The following ZDHHC14 variants were observed in gnomAD, a reference collection of about 807,000 sequenced individuals.
The protein encoded by ZDHHC14 is zDHHC palmitoyltransferase 14, also known as palmitoyltransferase ZDHHC14.
In ZDHHC14, 16 loss-of-function variants were observed where a neutral mutation model predicts 47.7. That is an observed-to-expected ratio of 0.34 (90% CI 0.23 to 0.51). ZDHHC14 has a LOEUF of 0.51. ZDHHC14 is among the 20% of genes least tolerant of loss of function. The probability of loss-of-function intolerance (pLI) is 0.97; values close to 1 mark genes in which losing one functional copy is unlikely to be tolerated. For synonymous variants in ZDHHC14, 293 were observed against 278.9 expected, an observed-to-expected ratio of 1.05 and a Z score of -0.50; for missense variants, 515 against 662.5, an observed-to-expected ratio of 0.78 and a Z score of 2.44.
chr6:157,624,150 C>T (rs1785307876), intron 3 of ZDHHC14, among the ~76,000 whole-genome samples: 1 of 152,180 alleles, frequency 6.6e-6, no homozygotes, highest in African/African-American at 2.4e-5. Flanking sequence ...TTGCTCTCTT[C>T]CCAGCTCAGC....
At chr6:157,496,827 A>G (rs986599095) in intron 1 of ZDHHC14, among the ~76,000 whole-genome samples, 2 of 152,220 alleles carry the variant, frequency 1.3e-5, no homozygotes. Flanking sequence ...TAGGAATCCA[A>G]TACACACGCC....
chr6:157,385,171 C>T (rs1049400874), intron 1 of ZDHHC14, among the ~76,000 whole-genome samples: 8 of 151,698 alleles, frequency 5.3e-5, no homozygotes, highest in African/African-American at 1.9e-4. Context: ...TCACTGTAGC[C>T]TTGACCGCCG....
intron 2 of ZDHHC14, among the ~76,000 whole-genome samples, chr6:157,590,019 T>C (rs1312260484): frequency 2.0e-5 from 3 of 152,190 alleles, no homozygotes; most frequent in Non-Finnish European, 2.9e-5. Flanking sequence ...ACTCTTGTTA[T>C]GATATAGCAA....
chr6:157,631,192 C>T (rs950374259), intron 4 of ZDHHC14: 2 of 152,242 alleles, frequency 1.3e-5, no homozygotes, highest in African/African-American at 2.4e-5. Flanking sequence ...CACACTCTCA[C>T]GGTGAAATCT....
chr6:157,387,574 G>A (rs1027564030), intron 1 of ZDHHC14, among the ~76,000 whole-genome samples: 1 of 152,130 alleles, frequency 6.6e-6, no homozygotes, highest in Non-Finnish European at 1.5e-5. Flanking sequence ...CCTTACCAGA[G>A]GACAGTGCCT....
chr6:157,493,887 G>A (rs867278417), intron 1 of ZDHHC14, among the ~76,000 whole-genome samples: 1 of 152,218 alleles, frequency 6.6e-6, no homozygotes, highest in Non-Finnish European at 1.5e-5. Flanking sequence ...CGCTCCCATG[G>A]CACCTCTTAT....
At chr6:157,602,710 G>A (rs1277556603) in intron 3 of ZDHHC14, among the ~76,000 whole-genome samples, 2 of 152,118 alleles carry the variant, frequency 1.3e-5, no homozygotes, top group Non-Finnish European at 2.9e-5. Context: ...GTGTCAGGAA[G>A]GCCGGGCTCC....
chr6:157,624,582 C>T (rs993410931), intron 3 of ZDHHC14, among the ~76,000 whole-genome samples: 3 of 152,176 alleles, frequency 2.0e-5, no homozygotes, highest in African/African-American at 7.2e-5. Flanking sequence ...GTGCTGGGTA[C>T]ATGGAAAATA....
rs1779141889 is a variant in ZDHHC14, at chr6:157,463,471, C to G, written c.246-79114C>G. 6.6e-6 allele frequency among the ~76,000 whole-genome samples: 1 copy of G among 152,070 alleles called. No individual in the cohort carries two copies. The highest frequency in any genetic ancestry group is 2.4e-5 in the African/African-American group (1 of 41,390). ...GCCCTGCCCCTATACATTTGTATAT[C>G]CATAGCAGTGCTGTGCTCTCTATCA... On this transcript the variant is annotated intron_variant, in intron 1 of 8. Transcript: ENST00000359775. The surrounding 1 kb of genome is among the most constrained non-coding windows in gnomAD (Gnocchi z 4.4).
At chr6:157,518,513 T>C (rs747231930) in intron 1 of ZDHHC14, among the ~76,000 whole-genome samples, 2 of 152,142 alleles carry the variant, frequency 1.3e-5, no homozygotes, top group Non-Finnish European at 2.9e-5. Context: ...TTAAAATCTG[T>C]AGAAGACCAG....
intron 3 of ZDHHC14, among the ~76,000 whole-genome samples, chr6:157,606,092 T>C (rs1458687153): frequency 1.3e-5 from 2 of 152,194 alleles, no homozygotes; most frequent in Non-Finnish European, 2.9e-5. Context: ...TACCTGCACA[T>C]TTTAGTTTTC....
intron 1 of ZDHHC14, among the ~76,000 whole-genome samples, chr6:157,524,436 T>G (rs1026717885): frequency 1.3e-5 from 2 of 152,200 alleles, no homozygotes; most frequent in African/African-American, 4.8e-5. Context: ...ACCCGGCATA[T>G]TTGCAATTTT....
At chr6:157,414,256 C>T (rs112040933) in intron 1 of ZDHHC14, among the ~76,000 whole-genome samples, 1,719 of 152,258 alleles carry the variant, frequency 0.011, 37 homozygotes, top group African/African-American at 0.04. Flanking sequence ...CTGGCTCTGC[C>T]GCTGCCTCTG....
Position 157,403,017 on chromosome 6 carries a change from G to A in ZDHHC14, c.245+20751G>A, listed in dbSNP as rs551272722. On this transcript the variant is annotated intron_variant, in intron 1 of 8. Transcript: ENST00000359775. ...CCCAAAGTGCTGGGATTACAGGCAT[G>A]AGCCACCATGCCCAGCCTGGCGATA... Among the ~76,000 whole-genome samples, 35 of 152,370 alleles carry A rather than the reference G, an allele frequency of 2.3e-4. No individual in the cohort carries two copies. The South Asian group carries it at 5.8e-3, about 25-fold the overall frequency.
chr6:157,408,553 C>T (rs763527952), intron 1 of ZDHHC14, among the ~76,000 whole-genome samples: 13 of 152,236 alleles, frequency 8.5e-5, no homozygotes, highest in East Asian at 5.8e-4. Context: ...ATGTGGTGTT[C>T]GGTTCTCTGT....
intron 8 of ZDHHC14, among the ~76,000 whole-genome samples, chr6:157,666,677 T>C (rs964729527): frequency 6.6e-6 from 1 of 152,242 alleles, no homozygotes; most frequent in Non-Finnish European, 1.5e-5. Flanking sequence ...ACACAGACCA[T>C]CTAGAAAGCT....
chr6:157,410,374 A>G (rs1462442069), intron 1 of ZDHHC14, among the ~76,000 whole-genome samples: 3 of 152,186 alleles, frequency 2.0e-5, no homozygotes, highest in African/African-American at 7.2e-5. Context: ...TCCAGGGGAG[A>G]CATAAAATTG....
intron 1 of ZDHHC14, among the ~76,000 whole-genome samples, chr6:157,523,631 C>T (rs4708837): frequency 9.9e-5 from 15 of 151,700 alleles, no homozygotes; most frequent in African/African-American, 3.2e-4. Context: ...CACAGTGGCT[C>T]ATATCTGTAT....
chr6:157,606,113 A>G lies in ZDHHC14; in HGVS notation c.565+12967A>G, dbSNP rs1015598226. ...CACATTTTAGTTTTCAGGATAACAC[A>G]GGTCTCTATGCCTCAGACCGGGCAT... On this transcript the variant is annotated intron_variant, in intron 3 of 8. Coordinates refer to ENST00000359775, the MANE Select transcript of ZDHHC14 (RefSeq NM_024630.3). 1.1e-3 allele frequency among the ~76,000 whole-genome samples: 165 copies of G among 152,312 alleles called. 1 individual carries two copies. The highest frequency in any genetic ancestry group is 3.9e-3 in the African/African-American group (162 of 41,576).
Sources: allele counts gnomAD v4.1 joint callset (sites outside exome capture counted in the v4.1 genomes callset), GRCh38; gene constraint gnomAD v4.1.1; non-coding constraint Gnocchi (gnomAD v3.1); transcripts MANE v1.5; gene names NCBI Gene and HGNC (gene_info 2026-07-23, HGNC 2026-07-21).